SEPTIN11: variants seen among roughly 807,000 people sequenced by gnomAD.
SEPTIN11 encodes the protein septin-11.
SEPTIN11 carries 25 observed loss-of-function variants against 51.4 expected under a neutral mutation model. The ratio of observed to expected loss-of-function variants is 0.49; its 90% CI spans 0.35 to 0.68. SEPTIN11 has a LOEUF of 0.68. SEPTIN11 is among the 30% of genes least tolerant of loss of function. The pLI is 0.00. For synonymous variants in SEPTIN11, 174 were observed against 184.1 expected, an observed-to-expected ratio of 0.95 and a Z score of 0.44; for missense variants, 381 against 520.8, an observed-to-expected ratio of 0.73 and a Z score of 2.61.
At chr4:76,967,709 T>C (rs1194901734) in intron 1 of SEPTIN11, among the ~76,000 whole-genome samples, 1 of 150,998 alleles carries the variant, frequency 6.6e-6, no homozygotes, top group East Asian at 1.9e-4. Context: ...TTATTTGTTT[T>C]TCTTGTATTT....
chr4:77,036,228 A>G lies in SEPTIN11; in HGVS notation c.*1716A>G. 1 of 1,002,966 alleles carries G rather than the reference A, an allele frequency of 1.0e-6. No homozygotes were observed. Among genetic ancestry groups the G allele is most frequent in the Non-Finnish European group, 1.2e-6 (1 of 840,778 alleles). 62.1% of individuals were successfully genotyped at this position (1,002,966 alleles called of 1,614,324 possible). A position where few individuals can be genotyped will look rare whatever the true frequency, so the allele number is the denominator to read the frequency against. On this transcript the variant is annotated 3_prime_UTR_variant, in exon 10 of 10. Transcript: ENST00000264893. ...ACACACTAGACACAGCAGTAGTCAT[A>G]GTCTTCACAGGTTTAGGAGCTACTG...
At chr4:76,959,067 T>G (rs891466458) in intron 1 of SEPTIN11, 10 of 690,644 alleles carry the variant, frequency 1.4e-5, no homozygotes, top group Non-Finnish European at 2.5e-5. Context: ...TTGATCATTT[T>G]GCAAGGCCCA....
chr4:77,036,995 G>A lies in SEPTIN11; in HGVS notation c.*2483G>A. ...AAAAAAAGACTAAATATATTTAAAAGGCCACATTTATATTTTTTTCACAAG... is the reference window on the plus strand; with the variant it reads ...AAAAAAAGACTAAATATATTTAAAAAGCCACATTTATATTTTTTTCACAAG... On this transcript the variant is annotated 3_prime_UTR_variant, in exon 10 of 10. Transcript: ENST00000264893. 7.9e-7 allele frequency: 1 copy of A among 1,259,438 alleles called. No homozygotes were observed. The highest frequency in any genetic ancestry group is 3.1e-5 in the South Asian group (1 of 32,538). The allele number at this position is 1,259,438 out of a possible 1,614,324, so 78.0% of individuals were successfully genotyped here. A position where few individuals can be genotyped will look rare whatever the true frequency, so the allele number is the denominator to read the frequency against.
At chr4:76,960,468 A>G (rs937026078) in intron 1 of SEPTIN11, among the ~76,000 whole-genome samples, 3 of 152,200 alleles carry the variant, frequency 2.0e-5, no homozygotes, top group Non-Finnish European at 4.4e-5. Context: ...GGTCTCAGGT[A>G]TCAAAATCAC....
intron 1 of SEPTIN11, among the ~76,000 whole-genome samples, chr4:76,986,587 A>G (rs1380042813): frequency 6.6e-6 from 1 of 152,226 alleles, no homozygotes; most frequent in African/African-American, 2.4e-5. Context: ...TCACACAGCT[A>G]AACTATGAAA....
intron 2 of SEPTIN11, among the ~76,000 whole-genome samples, chr4:76,997,075 A>C (rs1723780533): frequency 6.6e-6 from 1 of 152,024 alleles, no homozygotes; most frequent in South Asian, 2.1e-4. Flanking sequence ...TTGGACTAAG[A>C]AGAGGAAGGT....
At chr4:77,017,313 T>G (rs1725372697) in intron 5 of SEPTIN11, among the ~76,000 whole-genome samples, 1 of 152,254 alleles carries the variant, frequency 6.6e-6, no homozygotes, top group Admixed American at 6.5e-5. Context: ...TTAATCCTGC[T>G]CTTTAAAGAA....
intron 1 of SEPTIN11, chr4:76,974,620 C>T (rs1351873092): frequency 2.5e-6 from 1 of 395,708 alleles, no homozygotes. Flanking sequence ...CATTTGTAGA[C>T]AGATTCTTCA....
At chr4:76,990,781 G>C (rs1723336659) in intron 1 of SEPTIN11, among the ~76,000 whole-genome samples, 1 of 152,194 alleles carries the variant, frequency 6.6e-6, no homozygotes, top group African/African-American at 2.4e-5. Flanking sequence ...TCACCTACTG[G>C]CATGTTTCTC....
At chr4:77,013,147 C>T (rs770178848) in intron 4 of SEPTIN11, among the ~76,000 whole-genome samples, 8 of 152,024 alleles carry the variant, frequency 5.3e-5, no homozygotes, top group East Asian at 1.9e-4. Flanking sequence ...CAGACCCAGC[C>T]GGATAATATC....
chr4:76,955,552 G>A (rs1027824489), intron 1 of SEPTIN11, among the ~76,000 whole-genome samples: 2 of 152,224 alleles, frequency 1.3e-5, no homozygotes, highest in African/African-American at 2.4e-5. Context: ...TGTATTTACT[G>A]TGTAGCTCTT....
In SEPTIN11 at chr4:77,032,321, A is replaced by T. The variant is rs538157907; in HGVS notation, c.1274+1351A>T. Reference sequence around the variant, plus strand: ...TGGCACAGATCCAAGTGACCAAAGGAGTTCAAGGCCCAAAATTTAGTTATG... The same window carrying T: ...TGGCACAGATCCAAGTGACCAAAGGTGTTCAAGGCCCAAAATTTAGTTATG... On this transcript the variant is annotated intron_variant, in intron 9 of 9. Coordinates refer to ENST00000264893, the MANE Select transcript of SEPTIN11 (RefSeq NM_018243.4). Among the ~76,000 whole-genome samples, 29 of 152,358 alleles carry T rather than the reference A, an allele frequency of 1.9e-4. No homozygotes were observed. The East Asian group carries it at 5.4e-3, about 28-fold the overall frequency.
intron 3 of SEPTIN11, among the ~76,000 whole-genome samples, chr4:77,008,986 T>TGTA (rs1724677936): frequency 6.6e-6 from 1 of 152,242 alleles, no homozygotes; most frequent in Non-Finnish European, 1.5e-5. Context: ...ATAATTCATC[T>TGTA]CATCTACAGG....
chr4:77,014,838 G>C lies in SEPTIN11; in HGVS notation c.526-18G>C, dbSNP rs199547187. On this transcript the variant is annotated intron_variant, in intron 4 of 9. Coordinates refer to ENST00000264893, the MANE Select transcript of SEPTIN11 (RefSeq NM_018243.4). ...CTTATGTTGGAATTGTGTAAAAATGGACGTGTCTGTTTTACAGGTGAACAT... is the reference window on the plus strand; with the variant it reads ...CTTATGTTGGAATTGTGTAAAAATGCACGTGTCTGTTTTACAGGTGAACAT... 1.2e-6 allele frequency: 2 copies of C among 1,610,998 alleles called. No homozygotes were observed. Among genetic ancestry groups the C allele is most frequent in the Non-Finnish European group, 1.7e-6 (2 of 1,178,802 alleles).
chr4:76,989,872 G>A (rs542644370), intron 1 of SEPTIN11, among the ~76,000 whole-genome samples: 1 of 152,330 alleles, frequency 6.6e-6, no homozygotes, highest in East Asian at 1.9e-4. Context: ...GTTTGTGTAA[G>A]TGTATCTGGA....
rs184406929 is a variant in SEPTIN11 at position 77,027,493 on chromosome 4, C to T, written c.954-1136C>T. 9.4e-4 allele frequency among the ~76,000 whole-genome samples: 143 copies of T among 152,298 alleles called. 1 individual carries two copies. The East Asian group carries it at 0.025, about 26-fold the overall frequency. On this transcript the variant is annotated intron_variant, in intron 7 of 9. Transcript: ENST00000264893. ...GGTTCATTATAGATGTGTGTATCTA[C>T]ATGCACGTATGCTCCTATCACCTGA... is the stretch of plus-strand genomic sequence containing the variant.
At chr4:76,977,833 G>A (rs995761542) in intron 1 of SEPTIN11, among the ~76,000 whole-genome samples, 1 of 151,772 alleles carries the variant, frequency 6.6e-6, no homozygotes, top group African/African-American at 2.4e-5. Context: ...CCATACTACC[G>A]AAAGGTTATT....
chr4:77,016,492 G>A (rs1201093275), intron 5 of SEPTIN11, among the ~76,000 whole-genome samples: 1 of 143,004 alleles, frequency 7.0e-6, no homozygotes, highest in Non-Finnish European at 1.5e-5. Flanking sequence ...ATATATATAT[G>A]TGTATATATA....
intron 2 of SEPTIN11, among the ~76,000 whole-genome samples, chr4:76,999,266 A>G (rs1231575241): frequency 2.6e-5 from 4 of 152,194 alleles, no homozygotes; most frequent in East Asian, 1.9e-4. Context: ...GTTGCCATAC[A>G]TATTTTATAG....
Sources: allele counts gnomAD v4.1 joint callset (sites outside exome capture counted in the v4.1 genomes callset), GRCh38; gene constraint gnomAD v4.1.1; transcripts MANE v1.5; gene names NCBI Gene and HGNC (gene_info 2026-07-23, HGNC 2026-07-21).